Variants in PCDHA9 observed in about 807,000 individuals in gnomAD.
PCDHA9 encodes the protein protocadherin alpha 9.
Under a neutral mutation model 62.0 loss-of-function variants are expected in PCDHA9, and 62 were observed. That is an observed-to-expected ratio of 1.00 (90% CI 0.81 to 1.23). The LOEUF is 1.23. Among genes scored for constraint, PCDHA9 ranks in the 50% most tolerant of loss-of-function variants. The pLI is 0.00. For missense variants in PCDHA9, 1,205 were observed against 1,249.8 expected, an observed-to-expected ratio of 0.96 and a Z score of 0.54; for synonymous variants, 557 against 567.6, an observed-to-expected ratio of 0.98 and a Z score of 0.27.
chr5:140,974,945 A>G (rs2096646889), intron 1 of PCDHA9, among the ~76,000 whole-genome samples: 1 of 152,180 alleles, frequency 6.6e-6, no homozygotes, highest in African/African-American at 2.4e-5. Flanking sequence ...CCTATTTGTT[A>G]TCTCACAGTC....
intron 1 of PCDHA9, chr5:140,857,742 TG>T (rs1562528366): frequency 1.3e-6 from 2 of 1,597,278 alleles, no homozygotes; most frequent in African/African-American, 2.7e-5. Context: ...CCCGCGCTGC[TG>T]GCGTCTCCCG....
chr5:140,923,570 C>T (rs1554201533), intron 1 of PCDHA9, among the ~76,000 whole-genome samples: 2 of 152,136 alleles, frequency 1.3e-5, no homozygotes, highest in African/African-American at 4.8e-5. Context: ...AAAGGTCCTG[C>T]TAAAGAGAAG....
At chr5:140,853,555 G>A in intron 1 of PCDHA9, 1 of 980,632 alleles carries the variant, frequency 1.0e-6, no homozygotes, top group Non-Finnish European at 1.2e-6. Context: ...TTACTATATA[G>A]GAAAAACTAA....
At position 140,848,529 on chromosome 5, in the gene PCDHA9, C is replaced by T. The variant is rs2150412022; in HGVS notation, c.34C>T (p.Gln12Ter). Reference sequence around the variant, plus strand: ...CTCAAGTCGAGGAGATCCAGAGGGTCAGCCTCTACTGCTCTCGCTTCTGAT... The same window carrying T: ...CTCAAGTCGAGGAGATCCAGAGGGTTAGCCTCTACTGCTCTCGCTTCTGAT... ...LYSSRGDPEG[Q>*]PLLLSLLILA... The change falls in exon 1 of 4, where the codon CAG (glutamine) becomes TAG (stop). Residue 12 changes from glutamine (Q) to a stop codon, truncating the protein, a stop_gained. Coordinates refer to ENST00000532602, the MANE Select transcript of PCDHA9 (RefSeq NM_031857.2). LOFTEE classifies it high-confidence loss of function. The T allele has an allele frequency of 4.4e-6, 7 of 1,594,446 alleles. No individual in the cohort carries two copies. Among genetic ancestry groups the T allele is most frequent in the Non-Finnish European group, 6.0e-6 (7 of 1,164,804 alleles).
chr5:140,931,579 A>G (rs1464146269), intron 1 of PCDHA9, among the ~76,000 whole-genome samples: 2 of 152,102 alleles, frequency 1.3e-5, no homozygotes, highest in Non-Finnish European at 2.9e-5. Flanking sequence ...CCATTCATTC[A>G]GTTGAACAGT....
At chr5:140,913,394 A>G (rs2076316460) in intron 1 of PCDHA9, among the ~76,000 whole-genome samples, 1 of 152,204 alleles carries the variant, frequency 6.6e-6, no homozygotes, top group Non-Finnish European at 1.5e-5. Flanking sequence ...CATAGCCACT[A>G]ATGATCCTTT....
rs1166002941 is a variant in PCDHA9 at position 141,000,351 on chromosome 5, G to A, written c.2543-9276G>A. ...ACAGCAAGGCCCTATCTCTCTCTCT[G>A]TCTCTCTCTGTCTCTCTCTCTCTCT... On this transcript the variant is annotated intron_variant, in intron 3 of 3. Transcript: ENST00000532602. Among the ~76,000 whole-genome samples the A allele has an allele frequency of 6.0e-5, 4 of 66,852 alleles. No homozygotes were observed. The Admixed American group carries it at 6.5e-4, about 11-fold the overall frequency. 43.9% of individuals were successfully genotyped at this position (66,852 alleles called of 152,430 possible).
At chr5:140,877,334 C>T (rs375199455) in intron 1 of PCDHA9, 1 of 1,614,002 alleles carries the variant, frequency 6.2e-7, no homozygotes, top group Non-Finnish European at 8.5e-7. Flanking sequence ...GCGCACATCC[C>T]GTTCCACGTG....
chr5:140,970,854 T>TC (rs112843531), intron 1 of PCDHA9, among the ~76,000 whole-genome samples: 13,960 of 152,238 alleles, frequency 0.092, 852 homozygotes, highest in African/African-American at 0.17. Context: ...GCACAAAAGT[T>TC]CCATTCCTGA....
At chr5:140,905,116 C>A (rs570992369) in intron 1 of PCDHA9, among the ~76,000 whole-genome samples, 1 of 152,282 alleles carries the variant, frequency 6.6e-6, no homozygotes, top group Non-Finnish European at 1.5e-5. Context: ...TTGCCTAAGC[C>A]AATGTCTAGA....
At chr5:140,961,313 G>A (rs2095603813) in intron 1 of PCDHA9, among the ~76,000 whole-genome samples, 1 of 152,118 alleles carries the variant, frequency 6.6e-6, no homozygotes, top group Admixed American at 6.5e-5. Flanking sequence ...TGATTTACCA[G>A]GCTCTGTTTC....
intron 1 of PCDHA9, among the ~76,000 whole-genome samples, chr5:140,939,846 T>G (rs2092473465): frequency 6.6e-6 from 1 of 152,222 alleles, no homozygotes; most frequent in Non-Finnish European, 1.5e-5. Flanking sequence ...GTTGTTGTGT[T>G]CTGTATATGT....
At chr5:140,870,806 A>AGAGT in intron 1 of PCDHA9, 1 of 1,613,688 alleles carries the variant, frequency 6.2e-7, no homozygotes, top group Non-Finnish European at 8.5e-7. Flanking sequence ...CTGGCGACTC[A>AGAGT]GGCTGGCAGC....
At chr5:140,972,275 G>A (rs548735122) in intron 1 of PCDHA9, among the ~76,000 whole-genome samples, 1 of 150,974 alleles carries the variant, frequency 6.6e-6, no homozygotes, top group African/African-American at 2.4e-5. Flanking sequence ...GAGTAGCTTG[G>A]ACCATAGATG....
chr5:141,002,841 G>T (rs2098098318), intron 3 of PCDHA9, among the ~76,000 whole-genome samples: 1 of 152,196 alleles, frequency 6.6e-6, no homozygotes, highest in African/African-American at 2.4e-5. Flanking sequence ...CCAGGACTAT[G>T]CACTAGTGAG....
intron 1 of PCDHA9, chr5:140,862,359 CG>C: frequency 3.0e-6 from 1 of 337,856 alleles, no homozygotes; most frequent in Non-Finnish European, 5.8e-6. Flanking sequence ...AAGGGACAGA[CG>C]ACCCGCACCC....
intron 1 of PCDHA9, chr5:140,871,442 A>C: frequency 6.2e-7 from 1 of 1,611,276 alleles, no homozygotes; most frequent in African/African-American, 1.3e-5. Flanking sequence ...CTAGGTCTGA[A>C]TAAAGAGGAG....
At chr5:140,965,973 G>A (rs1234636252) in intron 1 of PCDHA9, among the ~76,000 whole-genome samples, 6 of 152,194 alleles carry the variant, frequency 3.9e-5, no homozygotes, top group African/African-American at 1.4e-4. Flanking sequence ...TGCCCTAGGA[G>A]TTGAGCACTT....
chr5:140,899,384 A>G (rs2067296665), intron 1 of PCDHA9, among the ~76,000 whole-genome samples: 2 of 152,124 alleles, frequency 1.3e-5, no homozygotes, highest in Admixed American at 1.3e-4. Context: ...TAATTTATTG[A>G]GAGTTTTTAG....
Sources: gnomAD v4.1 joint callset for allele counts (sites outside exome capture counted in the v4.1 genomes callset) on GRCh38, gnomAD v4.1.1 for gene constraint, MANE v1.5 for transcripts, NCBI Gene and HGNC (gene_info 2026-07-23, HGNC 2026-07-21) for gene names.